Variants in PTPRD observed in about 807,000 individuals in gnomAD.
PTPRD encodes the protein protein tyrosine phosphatase receptor type D, also known as receptor-type tyrosine-protein phosphatase delta.
Under a neutral mutation model 214.5 loss-of-function variants are expected in PTPRD, and 34 were observed. That is an observed-to-expected ratio of 0.16 (90% CI 0.12 to 0.21). The LOEUF (loss-of-function observed/expected upper bound fraction) is 0.21. Among genes scored for constraint, PTPRD ranks in the 10% least tolerant of loss-of-function variants. The pLI is 1.00. For synonymous variants in PTPRD, 1,128 were observed against 845.7 expected (o/e 1.33, Z -5.79); for missense variants, 2,545 against 2,398.7 (o/e 1.06, Z -1.27).
At chr9:9,519,478 C>T (rs1330908564) in intron 8 of PTPRD, among the ~76,000 whole-genome samples, 1 of 151,680 alleles carries the variant, frequency 6.6e-6, no homozygotes, top group African/African-American at 2.4e-5. Context: ...AGAATAAAGG[C>T]ATATATAATT....
chr9:10,084,565 G>C (rs993224475), intron 3 of PTPRD, among the ~76,000 whole-genome samples: 9 of 151,940 alleles, frequency 5.9e-5, no homozygotes, highest in African/African-American at 1.9e-4. Context: ...GGAGTTCTTA[G>C]ATATTGATAT....
At chr9:9,444,282 A>G (rs1027171403) in intron 8 of PTPRD, among the ~76,000 whole-genome samples, 1 of 152,154 alleles carries the variant, frequency 6.6e-6, no homozygotes, top group Non-Finnish European at 1.5e-5. Flanking sequence ...GAAGACAGAG[A>G]CCTCATTAGA....
intron 9 of PTPRD, among the ~76,000 whole-genome samples, chr9:9,288,383 G>C (rs1359867667): frequency 6.6e-6 from 1 of 151,654 alleles, no homozygotes; most frequent in Non-Finnish European, 1.5e-5. Flanking sequence ...TTCATACTTT[G>C]TTAAACATTT....
In PTPRD at chr9:8,900,606, T is replaced by C. The variant is rs139369604; in HGVS notation, c.-104+118091A>G. Among the ~76,000 whole-genome samples the C allele has an allele frequency of 5.9e-3, 898 of 152,318 alleles. 5 individuals carry two copies. The highest frequency in any genetic ancestry group is 0.02 in the Middle Eastern group (6 of 294). On this transcript the variant is annotated intron_variant, in intron 11 of 45. Coordinates refer to ENST00000381196, the MANE Select transcript of PTPRD (RefSeq NM_002839.4). ...CCACCAATTTTCCTTTTGGATTACA[T>C]TGATATATTTAAGTAGGTTGGGGAT...
chr9:8,491,660 A>T (rs1473270162), intron 27 of PTPRD, among the ~76,000 whole-genome samples: 2 of 137,222 alleles, frequency 1.5e-5, no homozygotes, highest in African/African-American at 5.2e-5. Flanking sequence ...ATGGTATTTA[A>T]AAAAAAAAAA....
At chr9:8,726,162 C>G (rs778633590) in intron 12 of PTPRD, among the ~76,000 whole-genome samples, 1 of 151,996 alleles carries the variant, frequency 6.6e-6, no homozygotes, top group Non-Finnish European at 1.5e-5. Context: ...GTATCTCCAT[C>G]CAATCACAGG....
At chr9:10,539,333 C>T (rs981108544) in intron 2 of PTPRD, among the ~76,000 whole-genome samples, 3 of 152,032 alleles carry the variant, frequency 2.0e-5, no homozygotes, top group African/African-American at 7.2e-5. Context: ...TACAGGCGAC[C>T]GCCATCATGC....
chr9:8,413,145 G>A (rs1265993985), intron 35 of PTPRD, among the ~76,000 whole-genome samples: 2 of 152,020 alleles, frequency 1.3e-5, no homozygotes, highest in South Asian at 2.1e-4. Context: ...TTAAACATAC[G>A]ATTTTTCTTC....
At chr9:10,534,864 G>A (rs186261876) in intron 2 of PTPRD, among the ~76,000 whole-genome samples, 73 of 152,276 alleles carry the variant, frequency 4.8e-4, no homozygotes, top group African/African-American at 1.7e-3. Context: ...CACTGACTGT[G>A]CAGATGGCAC....
chr9:9,200,824 C>G (rs898695364), intron 9 of PTPRD, among the ~76,000 whole-genome samples: 3 of 152,150 alleles, frequency 2.0e-5, no homozygotes, highest in African/African-American at 7.2e-5. Flanking sequence ...ACCTTTAGAA[C>G]AAAGAAATTA....
rs183030132 is a variant in PTPRD at position 10,079,123 on chromosome 9, T to C, written c.-544-45333A>G. On this transcript the variant is annotated intron_variant, in intron 3 of 45. Transcript: ENST00000381196. ...TGTCCTCTTAAGAGACCAAATTCTT[T>C]TATTGCTATCCCTCCCTCTAAGCTG... 2.9e-3 allele frequency among the ~76,000 whole-genome samples: 449 copies of C among 152,242 alleles called. 1 individual carries two copies. The highest frequency in any genetic ancestry group is 5.4e-3 in the Admixed American group (82 of 15,280).
At chr9:9,725,624 T>C (rs1194235512) in intron 7 of PTPRD, among the ~76,000 whole-genome samples, 2 of 152,202 alleles carry the variant, frequency 1.3e-5, no homozygotes, top group African/African-American at 2.4e-5. Flanking sequence ...TTCTGGTTTC[T>C]TGAATTTCAT....
At chr9:10,166,007 T>TTA (rs1220656320) in intron 3 of PTPRD, among the ~76,000 whole-genome samples, 1 of 149,794 alleles carries the variant, frequency 6.7e-6, no homozygotes, top group Non-Finnish European at 1.5e-5. Flanking sequence ...ACAAAAGTAT[T>TTA]TATATATAAT....
At chr9:10,300,703 C>T (rs889795798) in intron 3 of PTPRD, among the ~76,000 whole-genome samples, 4 of 152,158 alleles carry the variant, frequency 2.6e-5, no homozygotes, top group African/African-American at 9.7e-5. Context: ...TGCAGCCAGA[C>T]TGCCTCTCTA....
chr9:10,543,839 T>C (rs2059658876), intron 2 of PTPRD, among the ~76,000 whole-genome samples: 1 of 152,252 alleles, frequency 6.6e-6, no homozygotes, highest in Middle Eastern at 3.4e-3. Context: ...AAACATAAAA[T>C]ACAGATAGGG....
At chr9:8,975,335 T>G (rs1167400789) in intron 11 of PTPRD, among the ~76,000 whole-genome samples, 2 of 152,062 alleles carry the variant, frequency 1.3e-5, no homozygotes, top group African/African-American at 4.8e-5. Flanking sequence ...TACTCCTAAC[T>G]CTGCTTTTCA....
At chr9:10,492,195 T>C (rs1449817920) in intron 2 of PTPRD, among the ~76,000 whole-genome samples, 2 of 152,168 alleles carry the variant, frequency 1.3e-5, no homozygotes, top group Non-Finnish European at 2.9e-5. Context: ...GTCTTTATAG[T>C]AGAATAATTT....
At chr9:10,371,477 A>G (rs960084627) in intron 2 of PTPRD, among the ~76,000 whole-genome samples, 7 of 152,094 alleles carry the variant, frequency 4.6e-5, no homozygotes, top group Non-Finnish European at 7.4e-5. Context: ...GATATCTGGT[A>G]TTAGCTACCA....
chr9:10,593,533 A>G (rs998188347), intron 2 of PTPRD, among the ~76,000 whole-genome samples: 2 of 152,064 alleles, frequency 1.3e-5, no homozygotes, highest in African/African-American at 2.4e-5. Context: ...TACAACATAT[A>G]GAAGAGATTA....
Sources: allele counts gnomAD v4.1 joint callset (sites outside exome capture counted in the v4.1 genomes callset), GRCh38; gene constraint gnomAD v4.1.1; transcripts MANE v1.5; gene names NCBI Gene and HGNC (gene_info 2026-07-23, HGNC 2026-07-21).